AASS: variants seen among roughly 807,000 people sequenced by gnomAD.
The protein encoded by AASS is alpha-aminoadipic semialdehyde synthase, mitochondrial.
A neutral mutation model predicts 105.4 loss-of-function variants in AASS; 86 were observed. The observed-to-expected ratio is 0.82, with a 90% confidence interval of 0.69 to 0.98. The LOEUF is 0.98. AASS is among the 50% of genes least tolerant of loss of function. The pLI, the probability that AASS is intolerant of heterozygous loss-of-function variation, is 0.00. For synonymous variants in AASS, 381 were observed against 394.8 expected, an observed-to-expected ratio of 0.96 and a Z score of 0.41; for missense variants, 1,048 against 1,143.2, an observed-to-expected ratio of 0.92 and a Z score of 1.20.
In AASS at chr7:122,092,935, T is replaced by C; in HGVS notation, c.1783A>G (p.Ile595Val). ...ELEKSVEDAG[I>V]TIIGELGLDP... The stretch of plus-strand genomic sequence containing the variant: ...AATCCCAATTCACCAATGATTGTGA[T>C]GCCAGCATCTTCCACACTGCAGCAG... Residue 595 changes from isoleucine (I) to valine (V), a missense_variant, in exon 17 of 24, where the codon ATC (isoleucine) becomes GTC (valine). By Grantham distance (29) the Ile-to-Val change is conservative. Transcript: ENST00000417368. The C allele has an allele frequency of 6.2e-7, 1 of 1,613,932 alleles. No individual in the cohort carries two copies. The highest frequency in any genetic ancestry group is 8.5e-7 in the Non-Finnish European group (1 of 1,179,866).
chr7:122,080,060 C>T (rs1793237392), intron 20 of AASS, among the ~76,000 whole-genome samples: 1 of 152,132 alleles, frequency 6.6e-6, no homozygotes, highest in Non-Finnish European at 1.5e-5. Flanking sequence ...TCCAGCAGTC[C>T]ATTTTGACCA....
intron 6 of AASS, among the ~76,000 whole-genome samples, chr7:122,117,331 T>C (rs1795228770): frequency 6.6e-6 from 1 of 152,200 alleles, no homozygotes; most frequent in South Asian, 2.1e-4. Context: ...TACCTCACAA[T>C]ATAATAAGAA....
At chr7:122,122,209 A>AT (rs1241200712) in intron 4 of AASS, among the ~76,000 whole-genome samples, 22 of 151,880 alleles carry the variant, frequency 1.4e-4, no homozygotes, top group African/African-American at 5.1e-4. Flanking sequence ...TGTATTTATA[A>AT]TTTTTATCAA....
intron 19 of AASS, among the ~76,000 whole-genome samples, chr7:122,085,490 C>T (rs554819340): frequency 6.6e-6 from 1 of 152,094 alleles, no homozygotes; most frequent in South Asian, 2.1e-4. Context: ...CGCCCCAGTC[C>T]ATGTTTTTTT....
intron 22 of AASS, among the ~76,000 whole-genome samples, chr7:122,078,346 G>T (rs1414559421): frequency 2.0e-5 from 3 of 152,104 alleles, no homozygotes; most frequent in Non-Finnish European, 4.4e-5. Context: ...GGGCGCGGTG[G>T]CTCATGCCTG....
rs377642271 is a variant in AASS at position 122,116,693 on chromosome 7, C to A, written c.834G>T (p.Val278=). 6.2e-7 allele frequency: 1 copy of A among 1,614,114 alleles called. No homozygotes were observed. The highest frequency in any genetic ancestry group is 8.5e-7 in the Non-Finnish European group (1 of 1,180,004). Residue 278 remains valine, a synonymous_variant, in exon 8 of 24, where the codon GTG becomes GTT. Coordinates refer to ENST00000417368, the MANE Select transcript of AASS (RefSeq NM_005763.4). ...HHHLVRKTDA[V]YDPAEYDKHP... The stretch of plus-strand genomic sequence containing the variant: ...GTTTGTCATACTCTGCAGGATCATA[C>A]ACAGCATCTGTTTTCCTGACAAGAT...
intron 11 of AASS, among the ~76,000 whole-genome samples, chr7:122,103,336 C>T (rs1794519282): frequency 1.3e-5 from 2 of 151,924 alleles, no homozygotes; most frequent in Admixed American, 6.6e-5. Context: ...CAGAAACCTG[C>T]CAGCCAAAAA....
chr7:122,118,792 T>C (rs937862593), intron 4 of AASS, among the ~76,000 whole-genome samples, 162 bp from the exon 5 acceptor site: 1 of 152,208 alleles, frequency 6.6e-6, no homozygotes, highest in Non-Finnish European at 1.5e-5. Context: ...CTCAACTTTC[T>C]GCCATCAAAT....
At chr7:122,108,161 C>G (rs1794758049) in intron 11 of AASS, among the ~76,000 whole-genome samples, 1 of 151,876 alleles carries the variant, frequency 6.6e-6, no homozygotes, top group South Asian at 2.1e-4. Flanking sequence ...TAACAAGCAG[C>G]AAGATTGAAT....
At chr7:122,088,003 G>T (rs1206375) in intron 18 of AASS, among the ~76,000 whole-genome samples, 15,505 of 152,196 alleles carry the variant, frequency 0.1, 1,093 homozygotes, top group African/African-American at 0.2. Flanking sequence ...ATTGTCATTT[G>T]ATATTCATTC....
intron 1 of AASS, among the ~76,000 whole-genome samples, chr7:122,134,509 C>G (rs1449204255): frequency 6.6e-6 from 1 of 152,148 alleles, no homozygotes; most frequent in East Asian, 1.9e-4. Context: ...AGGTGCACAA[C>G]CACCCACCTG....
chr7:122,125,439 G>T (rs1055029259), intron 4 of AASS, among the ~76,000 whole-genome samples: 1 of 152,062 alleles, frequency 6.6e-6, no homozygotes, highest in African/African-American at 2.4e-5. Flanking sequence ...TGCAGAAAGG[G>T]TACACTCACC....
At chr7:122,096,640 A>C (rs913884217) in intron 15 of AASS, among the ~76,000 whole-genome samples, 1 of 152,100 alleles carries the variant, frequency 6.6e-6, no homozygotes, top group Admixed American at 6.6e-5. Flanking sequence ...AAAAGAAAAA[A>C]AAAATTTAAG....
chr7:122,104,464 T>C (rs531837739), intron 11 of AASS, among the ~76,000 whole-genome samples: 1 of 152,036 alleles, frequency 6.6e-6, no homozygotes, highest in East Asian at 1.9e-4. Context: ...GGCTTGGTGG[T>C]GGGCACCTGT....
intron 11 of AASS, among the ~76,000 whole-genome samples, chr7:122,107,249 G>A (rs924765682): frequency 9.9e-5 from 15 of 152,128 alleles, no homozygotes; most frequent in Non-Finnish European, 1.9e-4. Context: ...AGATGCTGGT[G>A]AGGTTGTGGA....
At chr7:122,139,860 G>T (rs1796307467) in intron 1 of AASS, among the ~76,000 whole-genome samples, 1 of 152,146 alleles carries the variant, frequency 6.6e-6, no homozygotes, top group Non-Finnish European at 1.5e-5. Context: ...GCTGAAGCAT[G>T]AAAATCACTT....
chr7:122,138,263 G>A (rs926087843), intron 1 of AASS, among the ~76,000 whole-genome samples: 2 of 152,092 alleles, frequency 1.3e-5, no homozygotes, highest in Non-Finnish European at 2.9e-5. Context: ...AGTAGACCCT[G>A]TTTATCTGTG....
chr7:122,086,629 C>T (rs1398011715), intron 18 of AASS, among the ~76,000 whole-genome samples: 1 of 151,008 alleles, frequency 6.6e-6, no homozygotes, highest in Non-Finnish European at 1.5e-5. Context: ...AAAAAATAAA[C>T]TTAAATAAGC....
intron 13 of AASS, among the ~76,000 whole-genome samples, chr7:122,100,306 C>T (rs375301972): frequency 2.0e-5 from 3 of 151,694 alleles, no homozygotes; most frequent in Non-Finnish European, 4.4e-5. Context: ...AAAAGACCAT[C>T]GGATGATGAG....
Sources: gnomAD v4.1 joint callset for allele counts (sites outside exome capture counted in the v4.1 genomes callset) on GRCh38, gnomAD v4.1.1 for gene constraint, MANE v1.5 for transcripts, NCBI Gene and HGNC (gene_info 2026-07-23, HGNC 2026-07-21) for gene names.